COL24A1: variants seen among roughly 807,000 people sequenced by gnomAD.
COL24A1 encodes the protein collagen alpha-1(XXIV) chain.
COL24A1 carries 224 observed loss-of-function variants against 253.9 expected under a neutral mutation model. The observed-to-expected ratio is 0.88, with a 90% CI of 0.79 to 0.99. The LOEUF (loss-of-function observed/expected upper bound fraction) is 0.99, where lower values mean the gene tolerates loss of function less well. COL24A1 is among the 50% of genes least tolerant of loss of function. COL24A1 has a pLI of 0.00. For synonymous variants in COL24A1, 685 were observed against 673.7 expected (o/e 1.02, Z -0.26); for missense variants, 2,131 against 2,068.5 (o/e 1.03, Z -0.59).
intron 7 of COL24A1, among the ~76,000 whole-genome samples, chr1:86,086,470 G>A (rs980478639): frequency 1.6e-4 from 24 of 152,146 alleles, no homozygotes; most frequent in African/African-American, 5.6e-4. Flanking sequence ...AATGTCACCA[G>A]CATGGATTAC....
At chr1:86,053,460 T>C (rs923322331) in intron 10 of COL24A1, among the ~76,000 whole-genome samples, 9 of 152,040 alleles carry the variant, frequency 5.9e-5, no homozygotes, top group African/African-American at 2.2e-4. Context: ...CTAACAGAAA[T>C]AAGATGTCAG....
At chr1:85,938,354 T>C (rs566305335) in intron 24 of COL24A1, among the ~76,000 whole-genome samples, 3 of 146,798 alleles carry the variant, frequency 2.0e-5, no homozygotes, top group East Asian at 4.3e-4. Flanking sequence ...AGTGACACAG[T>C]GAGAGTCTCA....
At chr1:85,831,364 C>T (rs909536721) in intron 43 of COL24A1, among the ~76,000 whole-genome samples, 3 of 152,184 alleles carry the variant, frequency 2.0e-5, no homozygotes, top group Non-Finnish European at 1.5e-5. Flanking sequence ...GGCTTTTCCA[C>T]CATCCCTGTA....
chr1:86,050,441 G>C (rs1700220995), intron 10 of COL24A1, among the ~76,000 whole-genome samples: 1 of 151,958 alleles, frequency 6.6e-6, no homozygotes, highest in African/African-American at 2.4e-5. Context: ...TTTTATAGCG[G>C]GCAGAAAATA....
intron 33 of COL24A1, among the ~76,000 whole-genome samples, chr1:85,876,915 G>T (rs1393833337): frequency 6.6e-6 from 1 of 152,118 alleles, no homozygotes; most frequent in Non-Finnish European, 1.5e-5. Context: ...TCATTTCAAT[G>T]AGGTAATTAT....
In COL24A1 at chr1:85,936,713, G is replaced by A. The variant is rs750911749; in HGVS notation, c.2562+24536C>T. On this transcript the variant is annotated intron_variant, in intron 24 of 59. Transcript: ENST00000370571. ...GGCCACATGACCTGGCAGACCCTAC[G>A]GTATTAGAGGAATCAATGGTGGAAA... 2.0e-5 allele frequency among the ~76,000 whole-genome samples: 3 copies of A among 146,882 alleles called. 1 individual carries two copies. The highest frequency in any genetic ancestry group is 7.5e-5 in the African/African-American group (3 of 40,018).
chr1:86,074,071 C>T (rs1469975351), intron 7 of COL24A1, among the ~76,000 whole-genome samples: 1 of 152,094 alleles, frequency 6.6e-6, no homozygotes, highest in Non-Finnish European at 1.5e-5. Flanking sequence ...GCAAAATAAC[C>T]AGCTAGCATC....
intron 1 of COL24A1, among the ~76,000 whole-genome samples, chr1:86,153,344 T>A (rs1348627563): frequency 6.6e-6 from 1 of 152,142 alleles, no homozygotes; most frequent in Non-Finnish European, 1.5e-5. Flanking sequence ...TCATACTCAA[T>A]CATTGTATCT....
chr1:85,819,227 A>G (rs1673354107), intron 45 of COL24A1, among the ~76,000 whole-genome samples: 1 of 152,222 alleles, frequency 6.6e-6, no homozygotes, highest in South Asian at 2.1e-4. Context: ...ACACATTTCT[A>G]GAGCATATGA....
At chr1:86,113,471 C>G (rs1018273748) in intron 4 of COL24A1, among the ~76,000 whole-genome samples, 1 of 152,080 alleles carries the variant, frequency 6.6e-6, no homozygotes, top group East Asian at 1.9e-4. Context: ...CAGAATACTT[C>G]AGGAAGACAG....
intron 37 of COL24A1, among the ~76,000 whole-genome samples, chr1:85,867,980 G>A (rs1036268204): frequency 6.6e-6 from 1 of 152,078 alleles, no homozygotes; most frequent in Non-Finnish European, 1.5e-5. Context: ...CCTGACCTCA[G>A]GTGATCCACC....
chr1:85,831,581 C>G lies in COL24A1; in HGVS notation c.3681+7004G>C, dbSNP rs147570309. ...AAATGTGCCATAGAAAATGTTATTACAAAATTATTCAGGAGAGGTTATGGA... is the reference window on the plus strand; with the variant it reads ...AAATGTGCCATAGAAAATGTTATTAGAAAATTATTCAGGAGAGGTTATGGA... On this transcript the variant is annotated intron_variant, in intron 43 of 59. Transcript: ENST00000370571. Among the ~76,000 whole-genome samples the G allele has an allele frequency of 9.2e-3, 1,397 of 152,058 alleles. 75 individuals are homozygous for G. The highest frequency in any genetic ancestry group is 0.066 in the Admixed American group (1,009 of 15,228).
intron 19 of COL24A1, among the ~76,000 whole-genome samples, chr1:86,009,023 A>T (rs1383810203): frequency 6.6e-6 from 1 of 152,252 alleles, no homozygotes; most frequent in Non-Finnish European, 1.5e-5. Flanking sequence ...AGTCAACATC[A>T]TAAATATCCC....
At chr1:86,104,979 G>C (rs1413333979) in intron 5 of COL24A1, among the ~76,000 whole-genome samples, 4 of 152,218 alleles carry the variant, frequency 2.6e-5, no homozygotes, top group Admixed American at 6.5e-5. Context: ...CACTGGTGGT[G>C]GTGTTAGCAC....
At position 85,821,578 on chromosome 1, in the gene COL24A1, A is replaced by G. The variant is rs574542285; in HGVS notation, c.3789+1958T>C. Among the ~76,000 whole-genome samples, 3 of 152,330 alleles carry G rather than the reference A, an allele frequency of 2.0e-5. No individual in the cohort carries two copies. In the East Asian group the frequency reaches 5.8e-4, roughly 29 times the overall value. On this transcript the variant is annotated intron_variant, in intron 45 of 59. Coordinates refer to ENST00000370571, the MANE Select transcript of COL24A1 (RefSeq NM_152890.7). ...TGGCCACTGAAGGTGTCCCTAGTGAATAATACACAGTCAGTCATTATTCTT... is the reference window on the plus strand; with the variant it reads ...TGGCCACTGAAGGTGTCCCTAGTGAGTAATACACAGTCAGTCATTATTCTT...
chr1:85,957,101 A>T (rs1421741844), intron 24 of COL24A1, among the ~76,000 whole-genome samples: 1 of 152,192 alleles, frequency 6.6e-6, no homozygotes, highest in Admixed American at 6.5e-5. Flanking sequence ...CAGAAAACCA[A>T]ACACTGCATG....
chr1:85,955,838 A>C (rs1434307695), intron 24 of COL24A1, among the ~76,000 whole-genome samples: 1 of 152,220 alleles, frequency 6.6e-6, no homozygotes, highest in Non-Finnish European at 1.5e-5. Context: ...TGGCTCTTTC[A>C]AAGTCTTTCC....
intron 35 of COL24A1, among the ~76,000 whole-genome samples, chr1:85,874,405 G>T (rs1400080442): frequency 6.6e-6 from 1 of 152,026 alleles, no homozygotes. Flanking sequence ...TTTTGGTAAG[G>T]GTTCTGCAAA....
intron 24 of COL24A1, among the ~76,000 whole-genome samples, chr1:85,921,539 G>C (rs1003597778): frequency 6.0e-4 from 91 of 152,176 alleles, no homozygotes; most frequent in Non-Finnish European, 1.6e-4. Context: ...ACATGGTCTG[G>C]AGTGGACCTC....
Sources: allele counts gnomAD v4.1 joint callset (sites outside exome capture counted in the v4.1 genomes callset), GRCh38; gene constraint gnomAD v4.1.1; transcripts MANE v1.5; gene names NCBI Gene and HGNC (gene_info 2026-07-23, HGNC 2026-07-21).